The following ATP2B2 variants were observed in gnomAD, a reference collection of about 807,000 sequenced individuals.
The protein encoded by ATP2B2 is ATPase plasma membrane Ca2+ transporting 2.
In ATP2B2, 15 loss-of-function variants were observed where a neutral mutation model predicts 120.0. The ratio of observed to expected loss-of-function variants is 0.12; its 90% CI spans 0.08 to 0.19. ATP2B2 has a LOEUF of 0.19. Ranked by LOEUF, ATP2B2 falls within the 10% of genes least tolerant of loss-of-function variation. ATP2B2 has a pLI of 1.00. For missense variants in ATP2B2, 1,045 were observed against 1,719.8 expected (o/e 0.61, Z 6.94); for synonymous variants, 694 against 700.3 (o/e 0.99, Z 0.14).
intron 2 of ATP2B2, among the ~76,000 whole-genome samples, chr3:10,608,586 C>T (rs549790851): frequency 6.6e-5 from 10 of 152,344 alleles, no homozygotes; most frequent in Admixed American, 3.3e-4. Flanking sequence ...TCACCACATA[C>T]GATCACATTT....
intron 10 of ATP2B2, 139 bp downstream of exon 10, chr3:10,378,113 G>A (rs915692927): frequency 1.0e-5 from 12 of 1,177,530 alleles, no homozygotes; most frequent in South Asian, 4.7e-5. Context: ...TGGGTGCTGT[G>A]GTAGAGAAAG....
intron 1 of ATP2B2, among the ~76,000 whole-genome samples, chr3:10,697,560 C>T (rs1211687300): frequency 6.6e-6 from 1 of 152,194 alleles, no homozygotes; most frequent in Non-Finnish European, 1.5e-5. Context: ...TGTTTTTCTC[C>T]ACGACATACC....
chr3:10,356,506 G>T (rs924664323), intron 14 of ATP2B2, among the ~76,000 whole-genome samples: 2 of 152,210 alleles, frequency 1.3e-5, no homozygotes, highest in African/African-American at 2.4e-5. Context: ...TGTGTTTACT[G>T]AGTCATGACA....
In ATP2B2 at chr3:10,449,761, AG is replaced by A; in HGVS notation, c.-219del. 1 of 622,164 alleles carries A rather than the reference AG, an allele frequency of 1.6e-6. No individual in the cohort carries two copies. Among genetic ancestry groups the A allele is most frequent in the Non-Finnish European group, 2.9e-6 (1 of 343,950 alleles). 38.5% of individuals were successfully genotyped at this position (622,164 alleles called of 1,614,324 possible). A position where few individuals can be genotyped will look rare whatever the true frequency, so the allele number is the denominator to read the frequency against. On this transcript the variant is annotated 5_prime_UTR_variant, in exon 2 of 23. An upstream open reading frame in the 5' UTR loses its in-frame stop. Transcript: ENST00000360273. ...TGTCCTCCGGTGTGGGACGAGGTCC[AG>A]GGGCCGGAGGGGCTCAGGGCTGTAG...
chr3:10,390,160 A>G (rs1210994906), intron 5 of ATP2B2, among the ~76,000 whole-genome samples: 1 of 152,190 alleles, frequency 6.6e-6, no homozygotes, highest in East Asian at 1.9e-4. Context: ...ACTCTCCGAC[A>G]TGCCATGCCT....
chr3:10,377,820 G>T (rs1187475068), intron 10 of ATP2B2, among the ~76,000 whole-genome samples: 7 of 152,164 alleles, frequency 4.6e-5, no homozygotes, highest in Non-Finnish European at 1.0e-4. Context: ...GGAACTTCAG[G>T]CCCTGCACCC....
chr3:10,442,669 AT>A (rs1046419634), intron 2 of ATP2B2, among the ~76,000 whole-genome samples: 2 of 152,018 alleles, frequency 1.3e-5, no homozygotes, highest in East Asian at 1.9e-4. Context: ...TGGGGCTGAC[AT>A]TTTTTTTAAC....
At chr3:10,586,736 G>A (rs1402582932) in intron 2 of ATP2B2, among the ~76,000 whole-genome samples, 3 of 152,214 alleles carry the variant, frequency 2.0e-5, no homozygotes, top group African/African-American at 7.2e-5. Context: ...CATCTGGATG[G>A]ATTGCATTTC....
chr3:10,681,022 C>T (rs1337134976), intron 1 of ATP2B2, among the ~76,000 whole-genome samples: 1 of 152,124 alleles, frequency 6.6e-6, no homozygotes, highest in Admixed American at 6.5e-5. Flanking sequence ...AAGCATGCGG[C>T]ACCTCCTTCC....
intron 22 of ATP2B2, 130 bp downstream of exon 22, chr3:10,338,046 C>T (rs898932702): frequency 2.6e-5 from 32 of 1,222,596 alleles, no homozygotes; most frequent in East Asian, 2.5e-4. Flanking sequence ...GAGAGCTGGC[C>T]GGGACCCCTC....
intron 2 of ATP2B2, among the ~76,000 whole-genome samples, chr3:10,431,883 C>T (rs1157478384): frequency 3.9e-5 from 6 of 152,132 alleles, no homozygotes; most frequent in Admixed American, 3.3e-4. Context: ...AATGCTTGAT[C>T]CGGCATCTAC....
intron 2 of ATP2B2, among the ~76,000 whole-genome samples, chr3:10,441,441 T>A (rs1005825891): frequency 6.6e-6 from 1 of 152,218 alleles, no homozygotes; most frequent in Non-Finnish European, 1.5e-5. Flanking sequence ...GGTTCCACCA[T>A]GTTGGCCAGG....
At chr3:10,487,185 C>T (rs1222292803) in intron 1 of ATP2B2, among the ~76,000 whole-genome samples, 3 of 152,068 alleles carry the variant, frequency 2.0e-5, no homozygotes, top group Non-Finnish European at 4.4e-5. Context: ...ACATGCTGGT[C>T]CCTTCCTTTC....
At chr3:10,668,974 AG>A (rs1387133164) in intron 1 of ATP2B2, among the ~76,000 whole-genome samples, 1 of 152,222 alleles carries the variant, frequency 6.6e-6, no homozygotes, top group African/African-American at 2.4e-5. Flanking sequence ...GAGAGGTTAG[AG>A]GATCTGTCCT....
At chr3:10,538,737 G>A (rs541349606) in intron 2 of ATP2B2, among the ~76,000 whole-genome samples, 1 of 152,114 alleles carries the variant, frequency 6.6e-6, no homozygotes, top group Non-Finnish European at 1.5e-5. Flanking sequence ...AACATAATAA[G>A]AGCTATTTAT....
intron 1 of ATP2B2, among the ~76,000 whole-genome samples, chr3:10,660,475 C>G (rs900514854): frequency 6.6e-6 from 1 of 152,132 alleles, no homozygotes; most frequent in African/African-American, 2.4e-5. Context: ...AACACCTCTA[C>G]ACAAATAAAC....
At chr3:10,341,811 G>A (rs2060286681) in intron 19 of ATP2B2, among the ~76,000 whole-genome samples, 1 of 152,156 alleles carries the variant, frequency 6.6e-6, no homozygotes, top group Admixed American at 6.5e-5. Context: ...CATATAAGTG[G>A]CTTCCTCTAA....
intron 2 of ATP2B2, among the ~76,000 whole-genome samples, chr3:10,437,104 T>C (rs568914048): frequency 1.8e-4 from 27 of 152,218 alleles, no homozygotes; most frequent in Admixed American, 1.2e-3. Flanking sequence ...TCCCCTTTAG[T>C]GTCACATAGA....
chr3:10,464,097 C>G (rs142443263), intron 1 of ATP2B2, among the ~76,000 whole-genome samples: 1 of 152,194 alleles, frequency 6.6e-6, no homozygotes, highest in Non-Finnish European at 1.5e-5. Context: ...CATGGGGGGG[C>G]CTGACTAGCT....
Sources: allele counts gnomAD v4.1 joint callset (sites outside exome capture counted in the v4.1 genomes callset), GRCh38; gene constraint gnomAD v4.1.1; transcripts MANE v1.5; gene names NCBI Gene and HGNC (gene_info 2026-07-23, HGNC 2026-07-21).